CCDC102B: variants seen among roughly 807,000 people sequenced by gnomAD.
CCDC102B encodes the protein coiled-coil domain-containing protein 102B.
Under a neutral mutation model 57.4 loss-of-function variants are expected in CCDC102B, and 75 were observed. The ratio of observed to expected loss-of-function variants is 1.31; its 90% CI spans 1.08 to 1.58. CCDC102B has a LOEUF of 1.58. Among genes scored for constraint, CCDC102B ranks in the 40% most tolerant of loss-of-function variants. CCDC102B has a pLI of 0.00. For missense variants in CCDC102B, 636 were observed against 582.6 expected (o/e 1.09, Z -0.94); for synonymous variants, 206 against 201.9 (o/e 1.02, Z -0.17).
At chr18:68,905,602 CTATT>C (rs2040601410) in intron 6 of CCDC102B, among the ~76,000 whole-genome samples, 1 of 150,946 alleles carries the variant, frequency 6.6e-6, no homozygotes, top group Non-Finnish European at 1.5e-5. Context: ...CTAGCCCTGT[CTATT>C]TAATTCCAAA....
intron 6 of CCDC102B, among the ~76,000 whole-genome samples, chr18:68,986,720 A>T (rs961689252): frequency 2.0e-5 from 3 of 152,090 alleles, no homozygotes; most frequent in Non-Finnish European, 4.4e-5. Context: ...ACAAAAAAAA[A>T]ACTTCAAGTT....
At chr18:68,984,081 ATTTT>A (rs1320074539) in intron 6 of CCDC102B, among the ~76,000 whole-genome samples, 1 of 151,960 alleles carries the variant, frequency 6.6e-6, no homozygotes, top group Non-Finnish European at 1.5e-5. Flanking sequence ...ACATAAGTAC[ATTTT>A]AATGTACATT....
intron 6 of CCDC102B, among the ~76,000 whole-genome samples, chr18:69,004,058 G>A (rs562168341): frequency 1.5e-4 from 23 of 152,198 alleles, no homozygotes; most frequent in Non-Finnish European, 3.2e-4. Context: ...GTACAATATC[G>A]TGGGTTCACA....
At chr18:69,050,162 AG>A (rs145792062) in intron 7 of CCDC102B, among the ~76,000 whole-genome samples, 7,658 of 152,226 alleles carry the variant, frequency 0.05, 660 homozygotes, top group African/African-American at 0.17. Flanking sequence ...GTGTTGAAGG[AG>A]CAAATTACAG....
intron 2 of CCDC102B, among the ~76,000 whole-genome samples, chr18:68,768,223 G>A (rs2034529502): frequency 6.6e-6 from 1 of 152,098 alleles, no homozygotes; most frequent in Non-Finnish European, 1.5e-5. Context: ...ATAAACCAAG[G>A]TCTCCTCTGA....
rs555964720 is a variant in CCDC102B, at chr18:68,905,951, G to A, written c.1263+8523G>A. Among the ~76,000 whole-genome samples the A allele has an allele frequency of 5.3e-5, 8 of 151,730 alleles. 1 individual carries two copies. The highest frequency in any genetic ancestry group is 3.9e-4 in the Admixed American group (6 of 15,248). ...TGGGACTACAGGCGCCCGCCACCAC[G>A]CCCGGCTAATTTTTTGTATTTTTAG... On this transcript the variant is annotated intron_variant, in intron 6 of 7. Transcript: ENST00000360242.
intron 7 of CCDC102B, among the ~76,000 whole-genome samples, chr18:69,026,855 G>C (rs960815942): frequency 7.9e-5 from 12 of 152,132 alleles, no homozygotes; most frequent in Non-Finnish European, 1.8e-4. Flanking sequence ...TATGTTCCTG[G>C]AAAGGAGAAT....
At chr18:69,035,675 G>GT (rs1199425437) in intron 7 of CCDC102B, among the ~76,000 whole-genome samples, 4 of 151,992 alleles carry the variant, frequency 2.6e-5, no homozygotes, top group African/African-American at 7.2e-5. Context: ...TTTTACTGAA[G>GT]TTTTTTTTCC....
At chr18:68,888,409 G>A (rs913543413) in intron 5 of CCDC102B, among the ~76,000 whole-genome samples, 18 of 152,112 alleles carry the variant, frequency 1.2e-4, no homozygotes, top group African/African-American at 4.1e-4. Flanking sequence ...ATTGTTAATG[G>A]TATCCTTTGT....
chr18:68,723,830 A>G (rs887163994), intron 2 of CCDC102B, among the ~76,000 whole-genome samples: 1 of 152,038 alleles, frequency 6.6e-6, no homozygotes, highest in Non-Finnish European at 1.5e-5. Context: ...GGTGTGGAGG[A>G]TGGAGGCCCT....
chr18:68,921,793 T>C (rs572798950), intron 6 of CCDC102B, among the ~76,000 whole-genome samples: 4 of 152,310 alleles, frequency 2.6e-5, no homozygotes, highest in African/African-American at 4.8e-5. Flanking sequence ...AAATCTCCTG[T>C]AGAGCCTATT....
At chr18:68,776,487 A>G (rs2034820169) in intron 2 of CCDC102B, among the ~76,000 whole-genome samples, 1 of 152,228 alleles carries the variant, frequency 6.6e-6, no homozygotes, top group Non-Finnish European at 1.5e-5. Context: ...TGCAGCCACA[A>G]AAAAGAATGA....
At chr18:68,922,905 T>C (rs2041335915) in intron 6 of CCDC102B, among the ~76,000 whole-genome samples, 1 of 152,124 alleles carries the variant, frequency 6.6e-6, no homozygotes, top group South Asian at 2.1e-4. Context: ...AATTTTATTA[T>C]TGATATTTTA....
intron 2 of CCDC102B, among the ~76,000 whole-genome samples, chr18:68,765,349 GAAAGAAAGAAAGAA>G (rs2034418342): frequency 1.7e-5 from 2 of 120,098 alleles, no homozygotes; most frequent in African/African-American, 6.4e-5. Context: ...AAGAAAGAAA[GAAAGAAAGAAAGAA>G]AGAAAGAAAG....
chr18:68,997,218 C>A (rs931630498), intron 6 of CCDC102B, among the ~76,000 whole-genome samples: 4 of 152,110 alleles, frequency 2.6e-5, no homozygotes, highest in African/African-American at 7.2e-5. Context: ...TCAGGAAGTT[C>A]TTTATCGGAG....
At chr18:69,029,072 AC>A in intron 7 of CCDC102B, among the ~76,000 whole-genome samples, 1 of 152,314 alleles carries the variant, frequency 6.6e-6, no homozygotes, top group African/African-American at 2.4e-5. Context: ...TCATCTCTCT[AC>A]ATAGAATGTA....
At chr18:68,824,572 C>T (rs771250165) in intron 1 of CCDC102B, among the ~76,000 whole-genome samples, 3 of 152,148 alleles carry the variant, frequency 2.0e-5, no homozygotes, top group Non-Finnish European at 4.4e-5. Context: ...TGGGCATCCT[C>T]GTCTTGTTCC....
At chr18:68,768,977 A>C (rs1462048588) in intron 2 of CCDC102B, among the ~76,000 whole-genome samples, 1 of 152,026 alleles carries the variant, frequency 6.6e-6, no homozygotes, top group Non-Finnish European at 1.5e-5. Context: ...TTGATGGCTG[A>C]ATTCGGTGGT....
At chr18:68,955,686 G>A (rs966181800) in intron 6 of CCDC102B, among the ~76,000 whole-genome samples, 2 of 151,796 alleles carry the variant, frequency 1.3e-5, no homozygotes, top group South Asian at 2.1e-4. Context: ...CTAAAGCTAG[G>A]CGTTTCCAAA....
Sources: allele counts gnomAD v4.1 joint callset (sites outside exome capture counted in the v4.1 genomes callset), GRCh38; gene constraint gnomAD v4.1.1; transcripts MANE v1.5; gene names NCBI Gene and HGNC (gene_info 2026-07-23, HGNC 2026-07-21).